The following XKR4 variants were observed in gnomAD, a reference collection of about 807,000 sequenced individuals.
XKR4 encodes XK-related protein 4.
In XKR4, 12 loss-of-function variants were observed where a neutral mutation model predicts 53.9. The observed-to-expected ratio is 0.22, with a 90% CI of 0.14 to 0.36. The LOEUF (loss-of-function observed/expected upper bound fraction) is 0.36. Ranked by LOEUF, XKR4 falls within the 10% of genes least tolerant of loss-of-function variation. The probability of loss-of-function intolerance (pLI) is 1.00; values close to 1 mark genes in which losing one functional copy is unlikely to be tolerated. For synonymous variants in XKR4, 354 were observed against 362.4 expected, an observed-to-expected ratio of 0.98 and a Z score of 0.26; for missense variants, 799 against 859.5, an observed-to-expected ratio of 0.93 and a Z score of 0.88.
intron 1 of XKR4, chr8:55,142,090 G>C (rs778425384): frequency 4.4e-6 from 2 of 456,072 alleles, no homozygotes; most frequent in South Asian, 3.1e-5. Flanking sequence ...TTTCTGGGCT[G>C]CTGGGGAGTC....
At chr8:55,105,186 C>A (rs1309426771) in intron 1 of XKR4, among the ~76,000 whole-genome samples, 1 of 151,948 alleles carries the variant, frequency 6.6e-6, no homozygotes, top group Admixed American at 6.6e-5. Flanking sequence ...TTTACTATAC[C>A]TTCTAAACCA....
chr8:55,340,933 T>C (rs1803535772), intron 1 of XKR4, among the ~76,000 whole-genome samples: 1 of 152,162 alleles, frequency 6.6e-6, no homozygotes, highest in East Asian at 1.9e-4. Context: ...CTGGACCTGA[T>C]AATCGACAAC....
At chr8:55,288,188 G>A (rs916244550) in intron 1 of XKR4, among the ~76,000 whole-genome samples, 2 of 152,144 alleles carry the variant, frequency 1.3e-5, no homozygotes, top group African/African-American at 4.8e-5. Flanking sequence ...AGTTTTCAGA[G>A]GCAATGTGTC....
At chr8:55,486,820 G>T (rs1367117814) in intron 2 of XKR4, among the ~76,000 whole-genome samples, 1 of 152,122 alleles carries the variant, frequency 6.6e-6, no homozygotes, top group Non-Finnish European at 1.5e-5. Context: ...TCACCATTAA[G>T]TACCTTCATA....
At chr8:55,130,677 G>A (rs970504942) in intron 1 of XKR4, among the ~76,000 whole-genome samples, 3 of 152,194 alleles carry the variant, frequency 2.0e-5, no homozygotes, top group African/African-American at 7.2e-5. Flanking sequence ...GTTAGGTCAG[G>A]TTGACCAGAT....
At chr8:55,346,524 G>T (rs77843346) in intron 1 of XKR4, among the ~76,000 whole-genome samples, 14,023 of 152,226 alleles carry the variant, frequency 0.092, 1,765 homozygotes, top group African/African-American at 0.29. Flanking sequence ...TTAAGTTATT[G>T]TTACTATTAT....
intron 1 of XKR4, among the ~76,000 whole-genome samples, chr8:55,295,215 A>G (rs1250564726): frequency 6.6e-6 from 1 of 152,220 alleles, no homozygotes; most frequent in Non-Finnish European, 1.5e-5. Context: ...AGGAGGGAAG[A>G]GGAGATGAAA....
chr8:55,421,963 T>C (rs1804940962), intron 2 of XKR4, among the ~76,000 whole-genome samples: 1 of 152,180 alleles, frequency 6.6e-6, no homozygotes, highest in South Asian at 2.1e-4. Flanking sequence ...TTCTCACCTT[T>C]CTGCACTTAC....
At position 55,490,155 on chromosome 8, in the gene XKR4, T is replaced by C. The variant is rs143305651; in HGVS notation, c.1007-33126T>C. Among the ~76,000 whole-genome samples the C allele has an allele frequency of 3.0e-4, 45 of 152,310 alleles. 1 individual carries two copies. Among genetic ancestry groups the C allele is most frequent in the African/African-American group, 1.1e-3 (44 of 41,574 alleles). On this transcript the variant is annotated intron_variant, in intron 2 of 2. Transcript: ENST00000327381. ...CCTACAACATAAACTGTCTATAATATTTCTTATGAGATCATTTATAGTGCC... is the reference window on the plus strand; with the variant it reads ...CCTACAACATAAACTGTCTATAATACTTCTTATGAGATCATTTATAGTGCC...
rs540389609 is a variant in XKR4 at position 55,451,306 on chromosome 8, G to C, written c.1007-71975G>C. ...TCGGGGTGCAGTCAGTCTGGATGCC[G>C]CCGCCATGGGGTTAGACAGAGTGGT... On this transcript the variant is annotated intron_variant, in intron 2 of 2. Coordinates refer to ENST00000327381, the MANE Select transcript of XKR4 (RefSeq NM_052898.2). 13 of 596,596 alleles carry C rather than the reference G, an allele frequency of 2.2e-5. No individual in the cohort carries two copies. The African/African-American group carries it at 2.2e-4, about 10-fold the overall frequency. The allele number at this position is 596,596 out of a possible 1,614,324, so 37.0% of individuals were successfully genotyped here.
intron 2 of XKR4, among the ~76,000 whole-genome samples, chr8:55,502,475 C>A (rs1806459839): frequency 6.6e-6 from 1 of 151,910 alleles, no homozygotes; most frequent in South Asian, 2.1e-4. Flanking sequence ...TTTCTCTAAT[C>A]CTTAGTGATG....
chr8:55,380,809 G>A (rs1040207339), intron 2 of XKR4, among the ~76,000 whole-genome samples: 7 of 152,230 alleles, frequency 4.6e-5, no homozygotes, highest in African/African-American at 1.7e-4. Flanking sequence ...TCTGTGCTTA[G>A]CACCTACTGT....
intron 2 of XKR4, chr8:55,453,453 T>A: frequency 5.0e-6 from 2 of 398,278 alleles, no homozygotes; most frequent in Non-Finnish European, 1.0e-5. Context: ...TCAAGCATCT[T>A]CCCCTCAAAC....
intron 2 of XKR4, among the ~76,000 whole-genome samples, chr8:55,519,782 T>C (rs1255710329): frequency 2.0e-5 from 3 of 152,152 alleles, no homozygotes; most frequent in Non-Finnish European, 2.9e-5. Flanking sequence ...CCCCTATTCA[T>C]AGGAAATAAA....
intron 1 of XKR4, among the ~76,000 whole-genome samples, chr8:55,265,115 C>A (rs150669174): frequency 6.8e-4 from 104 of 152,308 alleles, no homozygotes; most frequent in African/African-American, 2.4e-3. Context: ...CACCCTTATC[C>A]TGTCAAGGAG....
chr8:55,135,229 T>C (rs1371755524), intron 1 of XKR4: 1 of 160,410 alleles, frequency 6.2e-6, no homozygotes, highest in African/African-American at 2.4e-5. Context: ...AAATATATTC[T>C]AAATTGAATA....
intron 1 of XKR4, among the ~76,000 whole-genome samples, chr8:55,113,347 T>C (rs1278787576): frequency 6.6e-6 from 1 of 152,100 alleles, no homozygotes; most frequent in Non-Finnish European, 1.5e-5. Flanking sequence ...CTGAGAGAAA[T>C]GAACAAAAAG....
intron 1 of XKR4, among the ~76,000 whole-genome samples, chr8:55,320,664 A>G (rs1467307668): frequency 6.6e-6 from 1 of 152,058 alleles, no homozygotes; most frequent in Non-Finnish European, 1.5e-5. Context: ...TTTCATCTCC[A>G]CTAAATATTG....
chr8:55,409,027 G>T (rs1804735889), intron 2 of XKR4, among the ~76,000 whole-genome samples: 1 of 149,970 alleles, frequency 6.7e-6, no homozygotes, highest in Non-Finnish European at 1.5e-5. Flanking sequence ...AAAAAAAAAG[G>T]AGCCACAGCA....
Sources: allele counts gnomAD v4.1 joint callset (sites outside exome capture counted in the v4.1 genomes callset), GRCh38; gene constraint gnomAD v4.1.1; transcripts MANE v1.5; gene names NCBI Gene and HGNC (gene_info 2026-07-23, HGNC 2026-07-21).